The following ARHGEF3 variants were observed in gnomAD, a reference collection of about 807,000 sequenced individuals.
ARHGEF3 encodes 59.8 kDA protein.
In ARHGEF3, 28 loss-of-function variants were observed where a neutral mutation model predicts 63.2. The ratio of observed to expected loss-of-function variants is 0.44; its 90% CI spans 0.33 to 0.61. The LOEUF (loss-of-function observed/expected upper bound fraction) is 0.61, where lower values mean the gene tolerates loss of function less well. Among genes scored for constraint, ARHGEF3 ranks in the 20% least tolerant of loss-of-function variants. The probability of loss-of-function intolerance (pLI) is 0.03; values close to 1 mark genes in which losing one functional copy is unlikely to be tolerated. For missense variants in ARHGEF3, 533 were observed against 659.3 expected, an observed-to-expected ratio of 0.81 and a Z score of 2.10; for synonymous variants, 266 against 254.2, an observed-to-expected ratio of 1.05 and a Z score of -0.44.
intron 1 of ARHGEF3, among the ~76,000 whole-genome samples, chr3:56,789,490 A>C (rs2036978511): frequency 6.6e-6 from 1 of 152,216 alleles, no homozygotes; most frequent in African/African-American, 2.4e-5. Flanking sequence ...CCTATAACAC[A>C]TTAAAGCCAA....
intron 3 of ARHGEF3, among the ~76,000 whole-genome samples, chr3:56,935,807 C>G (rs1277321845): frequency 6.6e-6 from 1 of 152,186 alleles, no homozygotes; most frequent in Non-Finnish European, 1.5e-5. Context: ...TCAGTGAGAC[C>G]AAGAACCCAC....
chr3:56,942,533 C>T (rs1448843017), intron 3 of ARHGEF3, among the ~76,000 whole-genome samples: 1 of 152,222 alleles, frequency 6.6e-6, no homozygotes, highest in Non-Finnish European at 1.5e-5. Flanking sequence ...CTCAGGCTTC[C>T]CTATTCCCTG....
At chr3:56,745,143 C>T in intron 7 of ARHGEF3, 62 bp downstream of exon 7, 1 of 1,562,298 alleles carries the variant, frequency 6.4e-7, no homozygotes, top group Non-Finnish European at 8.7e-7. Context: ...CCCACTGACC[C>T]AATCCACCAG....
chr3:56,989,109 T>C (rs1701649061), intron 2 of ARHGEF3, among the ~76,000 whole-genome samples: 1 of 152,224 alleles, frequency 6.6e-6, no homozygotes, highest in Admixed American at 6.5e-5. Context: ...AAAACTTCAG[T>C]TGATTACTTC....
intron 2 of ARHGEF3, among the ~76,000 whole-genome samples, chr3:56,985,575 T>G (rs1701500987): frequency 6.6e-6 from 1 of 152,192 alleles, no homozygotes; most frequent in Admixed American, 6.5e-5. Context: ...CCACATGTAT[T>G]CCACAGACAG....
intron 1 of ARHGEF3, among the ~76,000 whole-genome samples, chr3:56,782,649 TAAA>T (rs34176219): frequency 4.9e-4 from 69 of 141,460 alleles, no homozygotes; most frequent in African/African-American, 1.5e-3. Context: ...ATTTCCTTCT[TAAA>T]AAAAAAAAAA....
intron 2 of ARHGEF3, among the ~76,000 whole-genome samples, chr3:56,990,552 T>C (rs1701710253): frequency 6.6e-6 from 1 of 152,066 alleles, no homozygotes; most frequent in Non-Finnish European, 1.5e-5. Context: ...TGCCACTACC[T>C]GAGAGTAGTT....
At chr3:56,989,846 C>T (rs1277444106) in intron 2 of ARHGEF3, among the ~76,000 whole-genome samples, 1 of 152,216 alleles carries the variant, frequency 6.6e-6, no homozygotes, top group African/African-American at 2.4e-5. Flanking sequence ...CACTTCACAG[C>T]TGCAAGATGT....
At chr3:56,954,892 G>T (rs1030850337) in intron 3 of ARHGEF3, among the ~76,000 whole-genome samples, 4 of 152,136 alleles carry the variant, frequency 2.6e-5, no homozygotes, top group Admixed American at 6.6e-5. Context: ...ACTAATGGAG[G>T]TCTGCAGGGA....
intron 2 of ARHGEF3, among the ~76,000 whole-genome samples, chr3:57,020,956 A>G (rs1703232012): frequency 6.6e-6 from 1 of 152,260 alleles, no homozygotes; most frequent in Non-Finnish European, 1.5e-5. Flanking sequence ...TAAGCATTCA[A>G]TAAATGTAAG....
chr3:56,889,959 G>A (rs2041060500), intron 3 of ARHGEF3, among the ~76,000 whole-genome samples: 1 of 151,980 alleles, frequency 6.6e-6, no homozygotes, highest in Non-Finnish European at 1.5e-5. Flanking sequence ...CTATCCAGAA[G>A]GCTGAGGCAG....
chr3:57,002,691 C>T (rs867748068), intron 2 of ARHGEF3, among the ~76,000 whole-genome samples: 36 of 148,656 alleles, frequency 2.4e-4, no homozygotes, highest in Middle Eastern at 7.0e-3. Flanking sequence ...TTTCGTCACC[C>T]AGGAATTAAG....
chr3:57,042,700 A>ATTTTTTTT (rs869145503), intron 1 of ARHGEF3, among the ~76,000 whole-genome samples: 7 of 66,136 alleles, frequency 1.1e-4, no homozygotes, highest in African/African-American at 3.0e-4. Flanking sequence ...ATATATATAT[A>ATTTTTTTT]TTTTTTTTTT....
intron 3 of ARHGEF3, among the ~76,000 whole-genome samples, chr3:56,934,530 G>C (rs1274750423): frequency 6.6e-6 from 1 of 152,222 alleles, no homozygotes; most frequent in Non-Finnish European, 1.5e-5. Context: ...GTTCCGGGTG[G>C]GTGTGGGCTT....
intron 3 of ARHGEF3, among the ~76,000 whole-genome samples, chr3:56,953,363 C>A (rs1699899070): frequency 6.6e-6 from 1 of 152,218 alleles, no homozygotes; most frequent in Non-Finnish European, 1.5e-5. Flanking sequence ...TGGGTCAAGG[C>A]AGTGTGGAGA....
intron 2 of ARHGEF3, among the ~76,000 whole-genome samples, chr3:57,014,924 A>C (rs1193342180): frequency 6.6e-6 from 1 of 151,762 alleles, no homozygotes; most frequent in Non-Finnish European, 1.5e-5. Flanking sequence ...TGACCTCGTG[A>C]TCCTCCCGCC....
chr3:56,960,395 C>A (rs1161968256), intron 2 of ARHGEF3, among the ~76,000 whole-genome samples: 1 of 152,170 alleles, frequency 6.6e-6, no homozygotes. Context: ...TGTTTATTAG[C>A]GCTGTGACTC....
At chr3:56,931,576 A>C (rs1250001045) in intron 3 of ARHGEF3, among the ~76,000 whole-genome samples, 2 of 3,354 alleles carry the variant, frequency 6.0e-4, no homozygotes, top group South Asian at 0.012. Context: ...ATCCTGTCTC[A>C]AAAAAAAAAA....
intron 1 of ARHGEF3, chr3:57,074,569 A>T (rs1193961149): frequency 3.0e-6 from 1 of 328,334 alleles, no homozygotes; most frequent in African/African-American, 2.1e-5. Flanking sequence ...TGATCAATCA[A>T]TCGATCAATC....
Sources: allele counts gnomAD v4.1 joint callset (sites outside exome capture counted in the v4.1 genomes callset), GRCh38; gene constraint gnomAD v4.1.1; transcripts MANE v1.5; gene names NCBI Gene and HGNC (gene_info 2026-07-23, HGNC 2026-07-21).